CNTN1: variants seen among roughly 807,000 people sequenced by gnomAD.
The protein encoded by CNTN1 is contactin 1.
Under a neutral mutation model 126.4 loss-of-function variants are expected in CNTN1, and 38 were observed. The ratio of observed to expected loss-of-function variants is 0.30; its 90% CI spans 0.23 to 0.39. The LOEUF (loss-of-function observed/expected upper bound fraction) is 0.39, where lower values mean the gene tolerates loss of function less well. Among genes scored for constraint, CNTN1 ranks in the 10% least tolerant of loss-of-function variants. The probability of loss-of-function intolerance (pLI) is 1.00; values close to 1 mark genes in which losing one functional copy is unlikely to be tolerated. For synonymous variants in CNTN1, 413 were observed against 422.6 expected (o/e 0.98, Z 0.28); for missense variants, 1,009 against 1,248.4 (o/e 0.81, Z 2.89).
At chr12:40,981,164 C>T in intron 16 of CNTN1, 97 bp downstream of exon 16, 2 of 1,147,938 alleles carry the variant, frequency 1.7e-6, no homozygotes, top group South Asian at 2.7e-5. Flanking sequence ...TCATTATCTA[C>T]CTTGAAAGGC....
chr12:40,885,181 C>T (rs1393219218), intron 1 of CNTN1, among the ~76,000 whole-genome samples: 1 of 151,772 alleles, frequency 6.6e-6, no homozygotes, highest in Non-Finnish European at 1.5e-5. Flanking sequence ...GTACCAGAAA[C>T]ACCACAATCC....
chr12:40,818,970 G>A (rs1854481), intron 1 of CNTN1, among the ~76,000 whole-genome samples: 33,943 of 151,964 alleles, frequency 0.22, 4,540 homozygotes, highest in South Asian at 0.36. Flanking sequence ...CCGGGGGTTC[G>A]CTTCAGGCCT....
intron 23 of CNTN1, among the ~76,000 whole-genome samples, chr12:41,056,849 C>A (rs1228908926): frequency 1.0e-4 from 15 of 145,594 alleles, no homozygotes; most frequent in African/African-American, 3.8e-4. Flanking sequence ...ACATTTAGAT[C>A]ATAATTTATT....
intron 23 of CNTN1, among the ~76,000 whole-genome samples, chr12:41,030,511 C>A (rs2120864046): frequency 6.6e-6 from 1 of 152,052 alleles, no homozygotes; most frequent in East Asian, 1.9e-4. Context: ...ACTGTTAATG[C>A]TTAGTTGAAT....
At chr12:40,724,816 G>A (rs542820002) in intron 1 of CNTN1, among the ~76,000 whole-genome samples, 105 of 152,286 alleles carry the variant, frequency 6.9e-4, no homozygotes, top group African/African-American at 2.4e-3. Context: ...TAAGAATCAT[G>A]GATGAGAAAA....
Position 40,922,369 on chromosome 12 carries a change from G to A in CNTN1, c.341G>A (p.Cys114Tyr). ...CAGAAAGATGCTGGAATATACTACTGTTTAGCATCTAATAACTACGGGATG... is the reference window on the plus strand; with the variant it reads ...CAGAAAGATGCTGGAATATACTACTATTTAGCATCTAATAACTACGGGATG... ...DKQKDAGIYY[C>Y]LASNNYGMVR... The change falls in exon 5 of 24, where the codon TGT (cysteine) becomes TAT (tyrosine). Residue 114 changes from cysteine (C) to tyrosine (Y), a missense_variant. Physicochemically the swap from Cys to Tyr is radical, Grantham distance 194. Transcript: ENST00000551295. 6.2e-7 allele frequency: 1 copy of A among 1,614,024 alleles called. No homozygotes were observed. The highest frequency in any genetic ancestry group is 8.5e-7 in the Non-Finnish European group (1 of 1,179,926).
chr12:40,714,054 A>G (rs1448516701), intron 1 of CNTN1, among the ~76,000 whole-genome samples: 1 of 152,078 alleles, frequency 6.6e-6, no homozygotes, highest in Non-Finnish European at 1.5e-5. Context: ...TGAGATGGGA[A>G]TGATTACCAG....
intron 1 of CNTN1, among the ~76,000 whole-genome samples, chr12:40,751,796 C>T (rs187340888): frequency 3.3e-5 from 5 of 152,198 alleles, no homozygotes; most frequent in Admixed American, 3.3e-4. Flanking sequence ...GTAGCGATAA[C>T]ATCTACCTAT....
intron 23 of CNTN1, among the ~76,000 whole-genome samples, chr12:41,068,619 TTCAGGAGAAATGCACTA>T (rs1950098912): frequency 6.6e-6 from 1 of 152,056 alleles, no homozygotes; most frequent in African/African-American, 2.4e-5. Flanking sequence ...TGACCAGAGA[TTCAGGAGAAATGCACTA>T]AATCTCCCTG....
chr12:40,715,177 C>T (rs530140285), intron 1 of CNTN1, among the ~76,000 whole-genome samples: 42 of 152,078 alleles, frequency 2.8e-4, no homozygotes, highest in Non-Finnish European at 8.8e-5. Context: ...ACCCCGCTAT[C>T]GAAAAGTCTA....
In CNTN1 at chr12:40,921,088, C is replaced by A. The variant is rs141396454; in HGVS notation, c.228-1168C>A. 5.0e-3 allele frequency among the ~76,000 whole-genome samples: 754 copies of A among 152,242 alleles called. 2 individuals are homozygous for A. The highest frequency in any genetic ancestry group is 0.041 in the Middle Eastern group (12 of 294). ...GCCATCACCTGGGGGAAGAGGAAGG[C>A]TTTATTCATTGGATTGTAATTTAGT... On this transcript the variant is annotated intron_variant, in intron 4 of 23. Coordinates refer to ENST00000551295, the MANE Select transcript of CNTN1 (RefSeq NM_001843.4).
chr12:40,820,005 A>G (rs531782222), intron 1 of CNTN1, among the ~76,000 whole-genome samples: 1 of 152,226 alleles, frequency 6.6e-6, no homozygotes, highest in South Asian at 2.1e-4. Flanking sequence ...GTCAATTTTG[A>G]TGAGAGAACC....
intron 1 of CNTN1, among the ~76,000 whole-genome samples, chr12:40,762,247 A>G (rs1477119731): frequency 6.6e-6 from 1 of 152,222 alleles, no homozygotes; most frequent in Non-Finnish European, 1.5e-5. Flanking sequence ...ACAATGTCCA[A>G]AGTAGAAATA....
intron 9 of CNTN1, 83 bp downstream of exon 9, chr12:40,933,961 A>G (rs1162336009): frequency 2.1e-5 from 22 of 1,037,634 alleles, no homozygotes; most frequent in Admixed American, 9.8e-5. Flanking sequence ...CTACTATATA[A>G]TGATTAATGG....
chr12:40,995,765 G>A (rs1256149646), intron 17 of CNTN1, among the ~76,000 whole-genome samples: 2 of 152,196 alleles, frequency 1.3e-5, no homozygotes, highest in Admixed American at 1.3e-4. Context: ...AATTAATTCT[G>A]TAACTTCTAA....
intron 15 of CNTN1, among the ~76,000 whole-genome samples, chr12:40,964,527 T>A (rs913658050): frequency 8.2e-6 from 1 of 122,544 alleles, no homozygotes; most frequent in African/African-American, 3.5e-5. Context: ...TGTAAGTGAG[T>A]GTGTGTGTGT....
chr12:40,948,561 G>A (rs1946527224), intron 14 of CNTN1, among the ~76,000 whole-genome samples: 1 of 152,120 alleles, frequency 6.6e-6, no homozygotes, highest in Admixed American at 6.6e-5. Flanking sequence ...TATTAGAAAA[G>A]TTGAGTAACT....
At chr12:40,754,145 T>G (rs1359611911) in intron 1 of CNTN1, among the ~76,000 whole-genome samples, 1 of 152,074 alleles carries the variant, frequency 6.6e-6, no homozygotes, top group Non-Finnish European at 1.5e-5. Context: ...AATTATAATA[T>G]ATGTTTAAAT....
At chr12:41,048,456 C>CCTTT (rs1295316353) in intron 23 of CNTN1, among the ~76,000 whole-genome samples, 6 of 152,140 alleles carry the variant, frequency 3.9e-5, no homozygotes, top group African/African-American at 1.4e-4. Flanking sequence ...ATGTGACCTG[C>CCTTT]CTTTCTTTCT....
Sources: gnomAD v4.1 joint callset for allele counts (sites outside exome capture counted in the v4.1 genomes callset) on GRCh38, gnomAD v4.1.1 for gene constraint, MANE v1.5 for transcripts, NCBI Gene and HGNC (gene_info 2026-07-23, HGNC 2026-07-21) for gene names.